Variants in POU1F1 observed in about 807,000 individuals in gnomAD.
POU1F1 encodes pituitary-specific positive transcription factor 1.
In POU1F1, 23 loss-of-function variants were observed where a neutral mutation model predicts 32.3. The observed-to-expected ratio is 0.71, with a 90% CI of 0.51 to 1.01. The LOEUF is 1.01. Ranked by LOEUF, POU1F1 falls within the 50% of genes least tolerant of loss-of-function variation. The pLI is 0.00. For missense variants in POU1F1, 323 were observed against 341.6 expected, an observed-to-expected ratio of 0.95 and a Z score of 0.43; for synonymous variants, 120 against 115.6, an observed-to-expected ratio of 1.04 and a Z score of -0.25.
At chr3:87,263,778 G>A (rs931360810) in intron 3 of POU1F1, among the ~76,000 whole-genome samples, 1 of 151,902 alleles carries the variant, frequency 6.6e-6, no homozygotes, top group African/African-American at 2.4e-5. Flanking sequence ...GAACTTGACA[G>A]CCCCACAAAG....
chr3:87,262,360 G>T, intron 3 of POU1F1, 125 bp from the exon 4 acceptor site: 1 of 1,034,376 alleles, frequency 9.7e-7, no homozygotes, highest in Non-Finnish European at 1.4e-6. Flanking sequence ...ATATATTCTT[G>T]GCAAATCAGA....
intron 1 of POU1F1, among the ~76,000 whole-genome samples, chr3:87,274,938 G>A (rs894689550): frequency 6.6e-6 from 1 of 151,418 alleles, no homozygotes; most frequent in African/African-American, 2.4e-5. Context: ...TAAATAAATG[G>A]CATTTTGAGT....
intron 2 of POU1F1, among the ~76,000 whole-genome samples, chr3:87,266,943 A>C (rs1488642903): frequency 1.3e-5 from 2 of 152,226 alleles, no homozygotes; most frequent in Middle Eastern, 3.4e-3. Flanking sequence ...GGTATCACTT[A>C]ATACATTTAA....
chr3:87,262,742 T>TA (rs1491223706), intron 3 of POU1F1, among the ~76,000 whole-genome samples: 1 of 152,146 alleles, frequency 6.6e-6, no homozygotes, highest in Non-Finnish European at 1.5e-5. Context: ...TAAAACCATA[T>TA]TTATTAAGAG....
chr3:87,259,590 C>A lies in POU1F1; in HGVS notation c.*304G>T. On this transcript the variant is annotated 3_prime_UTR_variant, in exon 6 of 6. Transcript: ENST00000350375. ...TGTTTGGAAAAGGAACTTATAAACCCATACTCATATGTCTGCGTGTGTGTG... is the reference window on the plus strand; with the variant it reads ...TGTTTGGAAAAGGAACTTATAAACCAATACTCATATGTCTGCGTGTGTGTG... 3.0e-6 allele frequency: 1 copy of A among 331,700 alleles called. No homozygotes were observed. Among genetic ancestry groups the A allele is most frequent in the Non-Finnish European group, 5.5e-6 (1 of 180,374 alleles). The allele number at this position is 331,700 out of a possible 1,614,324, so 20.5% of individuals were successfully genotyped here.
At chr3:87,263,924 G>A (rs887278327) in intron 3 of POU1F1, among the ~76,000 whole-genome samples, 4 of 151,564 alleles carry the variant, frequency 2.6e-5, no homozygotes, top group Non-Finnish European at 2.9e-5. Context: ...AACTAACAAC[G>A]ATATACAGAA....
In POU1F1 at chr3:87,266,806, T is replaced by C. The variant is rs1427809345; in HGVS notation, c.215-2294A>G. ...ACTAATAGATGTAAAAGAAAATTGA[T>C]GACATTTATGTTATCATTTATTTAA... On this transcript the variant is annotated intron_variant, in intron 2 of 5. Coordinates refer to ENST00000350375, the MANE Select transcript of POU1F1 (RefSeq NM_000306.4). 3.9e-5 allele frequency among the ~76,000 whole-genome samples: 6 copies of C among 152,180 alleles called. No homozygotes were observed. In the East Asian group the frequency reaches 1.2e-3, roughly 29 times the overall value.
At chr3:87,265,815 T>C (rs796431335) in intron 2 of POU1F1, among the ~76,000 whole-genome samples, 20 of 152,058 alleles carry the variant, frequency 1.3e-4, no homozygotes, top group African/African-American at 4.8e-4. Flanking sequence ...CACCATTTTA[T>C]ACCAGGGACT....
chr3:87,274,412 T>C (rs1211280229), intron 1 of POU1F1, among the ~76,000 whole-genome samples: 1 of 152,016 alleles, frequency 6.6e-6, no homozygotes, highest in Non-Finnish European at 1.5e-5. Flanking sequence ...AAATTAATTT[T>C]CTTGAATAAA....
chr3:87,272,144 A>G (rs1372228762), intron 2 of POU1F1, among the ~76,000 whole-genome samples: 3 of 151,876 alleles, frequency 2.0e-5, no homozygotes, highest in Admixed American at 6.6e-5. Context: ...AGATTTCCCT[A>G]ATAAGTGATT....
chr3:87,268,866 A>C (rs1200238267), intron 2 of POU1F1, among the ~76,000 whole-genome samples: 1 of 152,168 alleles, frequency 6.6e-6, no homozygotes, highest in African/African-American at 2.4e-5. Context: ...AGAGAGAAGA[A>C]CAGAGGTAAA....
At chr3:87,263,235 A>G (rs957417214) in intron 3 of POU1F1, among the ~76,000 whole-genome samples, 3 of 152,144 alleles carry the variant, frequency 2.0e-5, no homozygotes, top group Non-Finnish European at 2.9e-5. Flanking sequence ...GGAAATATAA[A>G]TGATTGTCAA....
intron 2 of POU1F1, among the ~76,000 whole-genome samples, chr3:87,266,291 A>T (rs1418329775): frequency 6.8e-6 from 1 of 146,712 alleles, no homozygotes; most frequent in South Asian, 2.1e-4. Context: ...AATTTTATAT[A>T]AATTTAATTT....
intron 4 of POU1F1, among the ~76,000 whole-genome samples, chr3:87,261,559 C>A (rs1404458851): frequency 1.3e-5 from 2 of 152,184 alleles, no homozygotes; most frequent in Non-Finnish European, 1.5e-5. Context: ...ATAATATCCT[C>A]ACTTTACTTT....
At chr3:87,268,403 G>T (rs570428407) in intron 2 of POU1F1, among the ~76,000 whole-genome samples, 140 of 151,994 alleles carry the variant, frequency 9.2e-4, no homozygotes, top group African/African-American at 3.1e-3. Flanking sequence ...CACTGCACCT[G>T]GTTCACTTTC....
chr3:87,275,272 TG>T (rs1446303955), intron 1 of POU1F1, among the ~76,000 whole-genome samples: 19 of 152,050 alleles, frequency 1.2e-4, no homozygotes, highest in Admixed American at 1.2e-3. Context: ...CTACATTAAA[TG>T]ATTTTACCAA....
chr3:87,273,200 G>A (rs1373454456), intron 2 of POU1F1, 147 bp downstream of exon 2: 22 of 877,618 alleles, frequency 2.5e-5, no homozygotes, highest in Non-Finnish European at 3.9e-5. Context: ...CACAGAGCAG[G>A]AAACAAGAAG....
At chr3:87,260,993 C>T (rs1481139803) in intron 5 of POU1F1, among the ~76,000 whole-genome samples, 1 of 151,924 alleles carries the variant, frequency 6.6e-6, no homozygotes, top group African/African-American at 2.4e-5. Context: ...TCACTGCAAC[C>T]TCCGCCTCCC....
chr3:87,264,535 A>G, intron 2 of POU1F1, 23 bp from the exon 3 acceptor site: 1 of 1,515,046 alleles, frequency 6.6e-7, no homozygotes, highest in Admixed American at 1.7e-5. Context: ...AAAGAAATAA[A>G]ATGAAAAAGA....
Sources: gnomAD v4.1 joint callset for allele counts (sites outside exome capture counted in the v4.1 genomes callset) on GRCh38, gnomAD v4.1.1 for gene constraint, MANE v1.5 for transcripts, NCBI Gene and HGNC (gene_info 2026-07-23, HGNC 2026-07-21) for gene names.